Variants in NHSL2 observed in about 807,000 individuals in gnomAD.
The protein encoded by NHSL2 is NHS like 2.
In NHSL2, 27 loss-of-function variants were observed where a neutral mutation model predicts 53.4. That is an observed-to-expected ratio of 0.51 (90% CI 0.37 to 0.70). NHSL2 has a LOEUF of 0.70. Among genes scored for constraint, NHSL2 ranks in the 30% least tolerant of loss-of-function variants. The pLI is 0.00. For missense variants in NHSL2, 892 were observed against 980.1 expected, an observed-to-expected ratio of 0.91 and a Z score of 1.20; for synonymous variants, 408 against 404.1, an observed-to-expected ratio of 1.01 and a Z score of -0.12.
chrX:72,137,174 A>C lies in NHSL2; in HGVS notation c.841A>C (p.Arg281=), dbSNP rs1185137523. 3 of 1,165,121 alleles carry C rather than the reference A, an allele frequency of 2.6e-6. No individual in the cohort carries two copies. Among genetic ancestry groups the C allele is most frequent in the South Asian group, 3.8e-5 (2 of 52,594 alleles). ...ETAVNPKSTL[R]RRRTIIGFSN... Reference sequence around the variant, plus strand: ...AGCCGTGAACCCCAAGTCCACCCTGAGGCGGAGGCGGACCATTATTGGATT... The same window carrying C: ...AGCCGTGAACCCCAAGTCCACCCTGCGGCGGAGGCGGACCATTATTGGATT... The change falls in exon 5 of 8, where the codon AGG becomes CGG. Residue 281 remains arginine, a synonymous_variant. Transcript: ENST00000633930.
chrX:71,962,077 TGTG>T (rs1395708836), intron 1 of NHSL2, among the ~76,000 whole-genome samples: 1 of 112,591 alleles, frequency 8.9e-6, no homozygotes, highest in Non-Finnish European at 1.9e-5. Flanking sequence ...CAAATGATCA[TGTG>T]GTCTTTTTCC....
At position 72,148,110 on chromosome X, in the gene NHSL2, T is replaced by A. The variant is rs992779450; in HGVS notation, c.*4536T>A. 1 of 112,191 alleles carries A rather than the reference T, an allele frequency of 8.9e-6. No homozygotes were observed. Among genetic ancestry groups the A allele is most frequent in the African/African-American group, 3.2e-5 (1 of 30,824 alleles). The allele number at this position is 112,191 out of a possible 1,213,427, so 9.2% of individuals were successfully genotyped here. A position where few individuals can be genotyped will look rare whatever the true frequency, so the allele number is the denominator to read the frequency against. On this transcript the variant is annotated 3_prime_UTR_variant, in exon 8 of 8. Transcript: ENST00000633930. ...CCAAGGGACTCTCAGAAATGGCTAC[T>A]AAAAGCCACTGAGAAGGCCTAGATC... is the stretch of plus-strand genomic sequence containing the variant.
intron 1 of NHSL2, among the ~76,000 whole-genome samples, chrX:72,039,646 G>A (rs769346654): frequency 8.9e-6 from 1 of 111,924 alleles, no homozygotes; most frequent in South Asian, 3.8e-4. Context: ...GTGTGGAGTT[G>A]TGGGTATTGA....
At chrX:72,102,677 T>C (rs1049133948) in intron 1 of NHSL2, among the ~76,000 whole-genome samples, 1 of 112,682 alleles carries the variant, frequency 8.9e-6, no homozygotes, top group Non-Finnish European at 1.9e-5. Flanking sequence ...GTATTCATTA[T>C]TCTTAACAGA....
At chrX:72,106,135 G>C (rs754603579) in intron 1 of NHSL2, among the ~76,000 whole-genome samples, 166 of 110,590 alleles carry the variant, frequency 1.5e-3, no homozygotes, top group South Asian at 0.01. Context: ...CGTGAACCCC[G>C]GGGGGGCAGA....
Position 71,985,482 on chromosome X carries a change from C to T in NHSL2, c.280+74115C>T, listed in dbSNP as rs565465821. On this transcript the variant is annotated intron_variant, in intron 1 of 7. Coordinates refer to ENST00000633930, the MANE Select transcript of NHSL2 (RefSeq NM_001013627.3). ...CAAAAGAAAACAGATTCTTATTGCACTTATGCAAATAACTATTGCTATAAG... is the reference window on the plus strand; with the variant it reads ...CAAAAGAAAACAGATTCTTATTGCATTTATGCAAATAACTATTGCTATAAG... 2.7e-5 allele frequency among the ~76,000 whole-genome samples: 3 copies of T among 112,507 alleles called. No individual in the cohort carries two copies. In the Middle Eastern group the frequency reaches 0.014, roughly 516 times the overall value.
intron 1 of NHSL2, among the ~76,000 whole-genome samples, chrX:72,042,234 C>T (rs1260689468): frequency 1.8e-5 from 2 of 112,733 alleles, no homozygotes; most frequent in Non-Finnish European, 3.8e-5. Context: ...GTGATTTCAG[C>T]AGGAAAATAT....
At chrX:72,022,976 A>G (rs2042167671) in intron 1 of NHSL2, among the ~76,000 whole-genome samples, 2 of 112,048 alleles carry the variant, frequency 1.8e-5, no homozygotes, top group Middle Eastern at 4.6e-3. Flanking sequence ...TATTTCTACT[A>G]CTTTCTAGAT....
At chrX:72,066,552 TAGGCTTCCCAAATA>T (rs760696306) in intron 1 of NHSL2, among the ~76,000 whole-genome samples, 40 of 111,171 alleles carry the variant, frequency 3.6e-4, no homozygotes, top group South Asian at 2.3e-3. Context: ...ACACGAGATA[TAGGCTTCCCAAATA>T]AGAAGCTCAG....
intron 1 of NHSL2, among the ~76,000 whole-genome samples, chrX:72,059,411 C>T (rs972050927): frequency 2.7e-5 from 3 of 111,698 alleles, no homozygotes; most frequent in Middle Eastern, 4.6e-3. Flanking sequence ...AATCCACACC[C>T]ATTCTCATGA....
At chrX:71,924,986 C>CT (rs2041677550) in intron 1 of NHSL2, among the ~76,000 whole-genome samples, 1 of 112,303 alleles carries the variant, frequency 8.9e-6, no homozygotes, top group Non-Finnish European at 1.9e-5. Context: ...TGACTCATTC[C>CT]TTTTTCTTCA....
chrX:72,130,132 A>G (rs2042272289), intron 1 of NHSL2: 9 of 1,210,792 alleles, frequency 7.4e-6, no homozygotes, highest in Non-Finnish European at 1.0e-5. Flanking sequence ...GGTCGGCTCC[A>G]TCTCCATCAG....
chrX:72,012,335 G>A (rs1163789291), intron 1 of NHSL2, among the ~76,000 whole-genome samples: 1 of 111,769 alleles, frequency 8.9e-6, no homozygotes, highest in Non-Finnish European at 1.9e-5. Flanking sequence ...GCCGTAACAA[G>A]TAACTGTAAA....
At chrX:71,927,549 CTTTT>C (rs754235148) in intron 1 of NHSL2, among the ~76,000 whole-genome samples, 1 of 104,228 alleles carries the variant, frequency 9.6e-6, no homozygotes, top group African/African-American at 3.5e-5. Context: ...TGTTTTCTTT[CTTTT>C]TTTTTTTTCT....
At chrX:72,063,372 T>C (rs1441459486) in intron 1 of NHSL2, among the ~76,000 whole-genome samples, 1 of 111,922 alleles carries the variant, frequency 8.9e-6, no homozygotes, top group Non-Finnish European at 1.9e-5. Context: ...TCAGGCACTT[T>C]CTAAAAAATA....
chrX:72,082,079 G>T lies in NHSL2; in HGVS notation c.281-50000G>T, dbSNP rs984053835. ...GTCCCTGTCCCACCCTGTGAAGTGT[G>T]ACCCTTCAACTTTCTTATCTGCATA... On this transcript the variant is annotated intron_variant, in intron 1 of 7. Transcript: ENST00000633930. 2.3e-4 allele frequency among the ~76,000 whole-genome samples: 26 copies of T among 111,953 alleles called. No homozygotes were observed. The Admixed American group carries it at 2.5e-3, about 11-fold the overall frequency.
chrX:71,989,311 T>C (rs1180875342), intron 1 of NHSL2, among the ~76,000 whole-genome samples: 1 of 84,224 alleles, frequency 1.2e-5, no homozygotes, highest in African/African-American at 4.9e-5. Context: ...ATCGCTCCAC[T>C]GCACTCCAGC....
chrX:71,914,051 T>G (rs752613029), intron 1 of NHSL2, among the ~76,000 whole-genome samples: 1 of 111,931 alleles, frequency 8.9e-6, no homozygotes, highest in African/African-American at 3.2e-5. Context: ...CCCTAAAAGC[T>G]CTTGTAACTG....
chrX:72,144,735 C>G lies in NHSL2; in HGVS notation c.*1161C>G. 4.6e-6 allele frequency: 1 copy of G among 216,068 alleles called. No homozygotes were observed. The highest frequency in any genetic ancestry group is 8.6e-6 in the Non-Finnish European group (1 of 116,305). The allele number at this position is 216,068 out of a possible 1,213,427, so 17.8% of individuals were successfully genotyped here. A position where few individuals can be genotyped will look rare whatever the true frequency, so the allele number is the denominator to read the frequency against. ...ACACACACACACACACACACACACA[C>G]ACACACACACAAAAGGGCTACTTTT... On this transcript the variant is annotated 3_prime_UTR_variant, in exon 8 of 8. Coordinates refer to ENST00000633930, the MANE Select transcript of NHSL2 (RefSeq NM_001013627.3).
Sources: gnomAD v4.1 joint callset for allele counts (sites outside exome capture counted in the v4.1 genomes callset) on GRCh38, gnomAD v4.1.1 for gene constraint, MANE v1.5 for transcripts, NCBI Gene and HGNC (gene_info 2026-07-23, HGNC 2026-07-21) for gene names.